The following CCDC24 variants were observed in gnomAD, a reference collection of about 807,000 sequenced individuals.
The protein encoded by CCDC24 is coiled-coil domain-containing protein 24.
Under a neutral mutation model 31.6 loss-of-function variants are expected in CCDC24, and 34 were observed. The observed-to-expected ratio is 1.08, with a 90% CI of 0.82 to 1.43. The LOEUF (loss-of-function observed/expected upper bound fraction) is 1.43. Ranked by LOEUF, CCDC24 falls within the 40% of genes most tolerant of loss-of-function variation. The probability of loss-of-function intolerance (pLI) is 0.00; values close to 1 mark genes in which losing one functional copy is unlikely to be tolerated. For synonymous variants in CCDC24, 175 were observed against 157.3 expected (o/e 1.11, Z -0.84); for missense variants, 426 against 391.1 (o/e 1.09, Z -0.75).
chr1:43,993,338 G>A lies in CCDC24; in HGVS notation c.420-549G>A, dbSNP rs148547397. Among the ~76,000 whole-genome samples the A allele has an allele frequency of 7.6e-3, 1,162 of 152,002 alleles. 15 individuals are homozygous for A. Among genetic ancestry groups the A allele is most frequent in the African/African-American group, 0.027 (1,112 of 41,502 alleles). On this transcript the variant is annotated intron_variant, in intron 4 of 8. Transcript: ENST00000372318. ...GCATGCCTGTATTCCCAGCTACTTG[G>A]GAGGCTGAGGTGGGATAATTGCTTG...
In CCDC24 at chr1:43,991,902, G is replaced by A; in HGVS notation, c.24G>A (p.Leu8=). Reference sequence around the variant, plus strand: ...TCATGCTCCGGCACTCCCCCTCGCTGTGGGAGCTGGTGGAGGAGCACGTTC... The same window carrying A: ...TCATGCTCCGGCACTCCCCCTCGCTATGGGAGCTGGTGGAGGAGCACGTTC... The part of the protein sequence containing the change: MLRHSPS[L]WELVEEHVPL... The change falls in exon 2 of 9, where the codon CTG becomes CTA. Residue 8 remains leucine, a synonymous_variant. Coordinates refer to ENST00000372318, the MANE Select transcript of CCDC24 (RefSeq NM_152499.4). The A allele has an allele frequency of 6.4e-7, 1 of 1,551,662 alleles. No individual in the cohort carries two copies. Among genetic ancestry groups the A allele is most frequent in the Non-Finnish European group, 8.7e-7 (1 of 1,147,098 alleles).
chr1:43,992,491 C>G (rs907834797), intron 3 of CCDC24, 32 bp from the exon 4 acceptor site: 5 of 1,613,416 alleles, frequency 3.1e-6, no homozygotes, highest in African/African-American at 2.7e-5. Flanking sequence ...AGAAAGGAGC[C>G]TCTCAGCTTC....
At position 43,991,945 on chromosome 1, in the gene CCDC24, G is replaced by A. The variant is rs991649216; in HGVS notation, c.67G>A (p.Glu23Lys). 2.6e-6 allele frequency: 4 copies of A among 1,540,316 alleles called. No individual in the cohort carries two copies. The highest frequency in any genetic ancestry group is 3.5e-6 in the Non-Finnish European group (4 of 1,139,722). Residue 23 changes from glutamate (E) to lysine (K), a missense_variant, in exon 2 of 9, where the codon GAA (glutamate) becomes AAA (lysine). Transcript: ENST00000372318. ...GCACGTTCCGCTCCGGGAGCGACGC[G>A]AAGTGAAGAGGATTCTGGGGGAGGC... Reference protein sequence around the residue: ...EEHVPLRERREVKRILGEAAV... With the variant: ...EEHVPLRERRKVKRILGEAAV...
rs201556031 is a variant in CCDC24 at position 43,993,931 on chromosome 1, T to C, written c.464T>C (p.Val155Ala). 56 of 1,614,104 alleles carry C rather than the reference T, an allele frequency of 3.5e-5. No homozygotes were observed. The Middle Eastern group carries it at 6.6e-4, about 19-fold the overall frequency. Residue 155 changes from valine to alanine, a missense_variant, in exon 5 of 9, where the codon GTG (valine) becomes GCG (alanine). Physicochemically the swap from Val to Ala is moderately conservative, Grantham distance 64 (BLOSUM62 0). Coordinates refer to ENST00000372318, the MANE Select transcript of CCDC24 (RefSeq NM_152499.4). ...DLSIIKDQLN[V>A]SNIDQVARHL... ...AGCATCATCAAGGACCAACTGAACG[T>C]GTCCAACATTGACCAGGTGGCCAGA...
chr1:43,993,941 T>TG lies in CCDC24; in HGVS notation c.475dup (p.Asp159GlyfsTer41), dbSNP rs774817583. The stretch of plus-strand genomic sequence containing the variant: ...AGGACCAACTGAACGTGTCCAACAT[T>TG]GACCAGGTGGCCAGACACCTGAGGT... On this transcript the variant is annotated frameshift_variant, in exon 5 of 9. Coordinates refer to ENST00000372318, the MANE Select transcript of CCDC24 (RefSeq NM_152499.4). LOFTEE classifies it high-confidence loss of function. The TG allele has an allele frequency of 1.9e-5, 30 of 1,614,142 alleles. No homozygotes were observed. The African/African-American group carries it at 3.9e-4, about 21-fold the overall frequency.
Position 43,991,850 on chromosome 1 carries a change from C to T in CCDC24, c.-29C>T. The T allele has an allele frequency of 1.3e-6, 2 of 1,547,660 alleles. No homozygotes were observed. The highest frequency in any genetic ancestry group is 1.7e-6 in the Non-Finnish European group (2 of 1,145,286). On this transcript the variant is annotated 5_prime_UTR_variant, in exon 2 of 9. Transcript: ENST00000372318. ...CACTCTGACCTGCGGCCCGTAGGTC[C>T]GAGCCGGGGACGGCGGCGTCGGTGG...
Position 43,992,016 on chromosome 1 carries a change from G to T in CCDC24, c.126+12G>T. On this transcript the variant is annotated intron_variant, in intron 2 of 8. Coordinates refer to ENST00000372318, the MANE Select transcript of CCDC24 (RefSeq NM_152499.4). ...AGCTGCGGGCGGAGGTGGGGAGAGG[G>T]AAGGTGGGCCACGCCCCTGGCCTGC... 2 of 1,491,364 alleles carry T rather than the reference G, an allele frequency of 1.3e-6. No individual in the cohort carries two copies. Among genetic ancestry groups the T allele is most frequent in the Non-Finnish European group, 1.8e-6 (2 of 1,113,620 alleles). 92.4% of individuals were successfully genotyped at this position (1,491,364 alleles called of 1,614,324 possible). A position where few individuals can be genotyped will look rare whatever the true frequency, so the allele number is the denominator to read the frequency against.
chr1:43,994,982 T>C (rs989114090), intron 5 of CCDC24, 126 bp from the exon 6 acceptor site: 4 of 793,998 alleles, frequency 5.0e-6, no homozygotes, highest in Admixed American at 4.1e-5. Context: ...CAGAGGGCAG[T>C]GTGGGCTGAG....
At chr1:43,992,446 A>G in intron 3 of CCDC24, 59 bp downstream of exon 3, 1 of 1,612,138 alleles carries the variant, frequency 6.2e-7, no homozygotes, top group African/African-American at 1.3e-5. Flanking sequence ...CGCTGCCCCT[A>G]ACAAGGAGCC....
chr1:43,993,861 G>T, intron 4 of CCDC24, 26 bp from the exon 5 acceptor site: 1 of 1,612,480 alleles, frequency 6.2e-7, no homozygotes, highest in Middle Eastern at 1.7e-4. Flanking sequence ...GCAACATGCG[G>T]AGAGTGATAG....
rs2085758798 is a variant in CCDC24 at position 43,992,227 on chromosome 1, G to C, written c.142G>C (p.Ala48Pro). 6.2e-7 allele frequency: 1 copy of C among 1,613,098 alleles called. No individual in the cohort carries two copies. Among genetic ancestry groups the C allele is most frequent in the Non-Finnish European group, 8.5e-7 (1 of 1,179,492 alleles). The change falls in exon 3 of 9, where the codon GCA (alanine) becomes CCA (proline). Residue 48 changes from alanine (A) to proline (P), a missense_variant. Physicochemically the swap from Ala to Pro is conservative, Grantham distance 27 (BLOSUM62 -1). Transcript: ENST00000372318. ...ELRAEVAMLR[A>P]LLQEARSSQA... ...CTCCTTGCAGGTGGCGATGTTACGGGCACTGCTCCAAGAGGCTCGATCCTC... is the reference window on the plus strand; with the variant it reads ...CTCCTTGCAGGTGGCGATGTTACGGCCACTGCTCCAAGAGGCTCGATCCTC...
intron 4 of CCDC24, 126 bp from the exon 5 acceptor site, chr1:43,993,761 C>G: frequency 1.2e-6 from 1 of 841,712 alleles, no homozygotes; most frequent in Non-Finnish European, 1.9e-6. Flanking sequence ...GGCTCCCAAA[C>G]TCTTACTCTT....
Position 43,991,929 on chromosome 1 carries a change from G to A in CCDC24, c.51G>A (p.Pro17=). 1 of 1,544,082 alleles carries A rather than the reference G, an allele frequency of 6.5e-7. No individual in the cohort carries two copies. Among genetic ancestry groups the A allele is most frequent in the Non-Finnish European group, 8.8e-7 (1 of 1,141,918 alleles). Residue 17 remains proline (P), a synonymous_variant, in exon 2 of 9, where the codon CCG becomes CCA. Transcript: ENST00000372318. ...GGGAGCTGGTGGAGGAGCACGTTCC[G>A]CTCCGGGAGCGACGCGAAGTGAAGA... ...SLWELVEEHV[P]LRERREVKRI...
chr1:43,992,281 G>C lies in CCDC24; in HGVS notation c.196G>C (p.Asp66His), dbSNP rs745423717. ...SQAPSSRPIS[D>H]PSSLLAPPPL... is the part of the protein sequence containing the mutation. ...AGCCCCCAGCTCCCGCCCCATCTCT[G>C]ACCCCTCTTCTCTTCTGGCACCACC... The change falls in exon 3 of 9, where the codon GAC becomes CAC. Residue 66 changes from aspartate to histidine, a missense_variant. Transcript: ENST00000372318. 1 of 1,613,978 alleles carries C rather than the reference G, an allele frequency of 6.2e-7. No homozygotes were observed.
At chr1:43,992,154 C>T (rs1380643914) in intron 2 of CCDC24, 58 bp from the exon 3 acceptor site, 1 of 1,548,002 alleles carries the variant, frequency 6.5e-7, no homozygotes, top group Non-Finnish European at 8.8e-7. Flanking sequence ...CTCCCCCAGC[C>T]CCCACCATTC....
In CCDC24 at chr1:43,995,424, A is replaced by G; in HGVS notation, c.553-177A>G. ...CCTAAGTCTGGGTACAGGCCCCACC[A>G]CTATCTTGCCAAACTCAGCTCTTCC... On this transcript the variant is annotated intron_variant, in intron 6 of 8. Transcript: ENST00000372318. The surrounding 1 kb of genome is among the most constrained non-coding windows in gnomAD (Gnocchi z 4.3). The G allele has an allele frequency of 2.7e-6, 2 of 752,542 alleles. No homozygotes were observed. Among genetic ancestry groups the G allele is most frequent in the South Asian group, 3.8e-5 (2 of 53,326 alleles). 46.6% of individuals were successfully genotyped at this position (752,542 alleles called of 1,614,324 possible).
chr1:43,992,225 G>C lies in CCDC24; in HGVS notation c.140G>C (p.Arg47Pro), dbSNP rs1270787784. 10 of 1,612,540 alleles carry C rather than the reference G, an allele frequency of 6.2e-6. No homozygotes were observed. Among genetic ancestry groups the C allele is most frequent in the South Asian group, 4.4e-5 (4 of 90,932 alleles). Residue 47 changes from arginine to proline, a missense_variant, in exon 3 of 9, where the codon CGG (arginine) becomes CCG (proline). Transcript: ENST00000372318. The stretch of plus-strand genomic sequence containing the variant: ...CTCTCCTTGCAGGTGGCGATGTTAC[G>C]GGCACTGCTCCAAGAGGCTCGATCC... Reference protein sequence around the residue: ...LELRAEVAMLRALLQEARSSQ... With the variant: ...LELRAEVAMLPALLQEARSSQ...
chr1:43,996,061 G>A lies in CCDC24; in HGVS notation c.825G>A (p.Gln275=). ...PLEPYLRPRG[Q]SATHRWGRQL... is the part of the protein sequence containing the mutation. ...AGCCCTACCTTCGACCTCGAGGCCA[G>A]TCGGCTACCCACCGCTGGGGACGGC... The change falls in exon 9 of 9, where the codon CAG becomes CAA. Residue 275 remains glutamine (Q), a synonymous_variant. Coordinates refer to ENST00000372318, the MANE Select transcript of CCDC24 (RefSeq NM_152499.4). 2 of 1,614,110 alleles carry A rather than the reference G, an allele frequency of 1.2e-6. No individual in the cohort carries two copies. The highest frequency in any genetic ancestry group is 2.2e-5 in the South Asian group (2 of 91,088).
In CCDC24 at chr1:43,996,004, T is replaced by C; in HGVS notation, c.768T>C (p.Pro256=). 6.2e-7 allele frequency: 1 copy of C among 1,614,146 alleles called. No individual in the cohort carries two copies. Among genetic ancestry groups the C allele is most frequent in the African/African-American group, 1.3e-5 (1 of 75,030 alleles). The change falls in exon 9 of 9, where the codon CCT becomes CCC. Residue 256 remains proline (P), a synonymous_variant. Coordinates refer to ENST00000372318, the MANE Select transcript of CCDC24 (RefSeq NM_152499.4). ...CGCTTCCCCTCTGCGGGGTTGCACC[T>C]CTCCAGTGCTGCCTGCCTGCACCTC... ...RPPLPLCGVA[P]LQCCLPAPPL...
Sources: allele counts gnomAD v4.1 joint callset (sites outside exome capture counted in the v4.1 genomes callset), GRCh38; gene constraint gnomAD v4.1.1; non-coding constraint Gnocchi (gnomAD v3.1); transcripts MANE v1.5; gene names NCBI Gene and HGNC (gene_info 2026-07-23, HGNC 2026-07-21).